PCDHGA3: variants seen among roughly 807,000 people sequenced by gnomAD.
The protein encoded by PCDHGA3 is protocadherin gamma subfamily A, 3, also known as protocadherin gamma-A3.
In PCDHGA3, 40 loss-of-function variants were observed where a neutral mutation model predicts 58.5. The ratio of observed to expected loss-of-function variants is 0.68; its 90% CI spans 0.53 to 0.89. The LOEUF is 0.89. PCDHGA3 is among the 40% of genes least tolerant of loss of function. The pLI is 0.00. For missense variants in PCDHGA3, 1,223 were observed against 1,195.9 expected (o/e 1.02, Z -0.33); for synonymous variants, 530 against 525.7 (o/e 1.01, Z -0.11).
In PCDHGA3 at chr5:141,384,747, C is replaced by G. The variant is rs755356826; in HGVS notation, c.2424+38290C>G. 28 of 1,613,942 alleles carry G rather than the reference C, an allele frequency of 1.7e-5. No homozygotes were observed. The South Asian group carries it at 3.0e-4, about 17-fold the overall frequency. The stretch of plus-strand genomic sequence containing the variant: ...TGCTTAAGGCCAGCGAGCCAGGACT[C>G]TTTGCGGTTGGGCTGTACACGGGCG... On this transcript the variant is annotated intron_variant, in intron 1 of 3. Transcript: ENST00000253812.
chr5:141,417,572 G>T, intron 1 of PCDHGA3: 1 of 376,228 alleles, frequency 2.7e-6, no homozygotes, highest in East Asian at 4.1e-5. Flanking sequence ...AAGTCAAGTT[G>T]CAGTCCCACA....
At chr5:141,470,302 C>A (rs996558051) in intron 1 of PCDHGA3, among the ~76,000 whole-genome samples, 5 of 152,188 alleles carry the variant, frequency 3.3e-5, no homozygotes, top group African/African-American at 1.2e-4. Context: ...GTTTTTATTC[C>A]ATTTTTCCTC....
At chr5:141,445,490 C>A (rs1181158971) in intron 1 of PCDHGA3, among the ~76,000 whole-genome samples, 1 of 152,134 alleles carries the variant, frequency 6.6e-6, no homozygotes, top group African/African-American at 2.4e-5. Flanking sequence ...AGTTAATGGG[C>A]CCTATTCTAA....
Position 141,489,465 on chromosome 5 carries a change from T to C in PCDHGA3, c.2425-5342T>C. On this transcript the variant is annotated intron_variant, in intron 1 of 3. Transcript: ENST00000253812. The surrounding 1 kb of genome is among the most constrained non-coding windows in gnomAD (Gnocchi z 4.5). The stretch of plus-strand genomic sequence containing the variant: ...GCTCTGAGGAGAATGGGCGCTATTT[T>C]TCCCTGAGCTTGATGAGTGGTGCCC... The C allele has an allele frequency of 1.2e-6, 2 of 1,614,082 alleles. No homozygotes were observed. The highest frequency in any genetic ancestry group is 1.3e-5 in the African/African-American group (1 of 75,042).
chr5:141,381,194 A>G (rs1490314402), intron 1 of PCDHGA3, among the ~76,000 whole-genome samples: 2 of 152,234 alleles, frequency 1.3e-5, no homozygotes, highest in African/African-American at 4.8e-5. Context: ...AAGCTTTCTT[A>G]GTGTTAGTTC....
chr5:141,478,851 C>T, intron 1 of PCDHGA3: 1 of 1,374,810 alleles, frequency 7.3e-7, no homozygotes, highest in Non-Finnish European at 9.6e-7. Context: ...AGCTAAAACA[C>T]AAGATCTCAG....
intron 1 of PCDHGA3, among the ~76,000 whole-genome samples, chr5:141,450,112 T>G (rs2098669735): frequency 6.6e-6 from 1 of 150,618 alleles, no homozygotes; most frequent in Non-Finnish European, 1.5e-5. Context: ...GTTCAAATGA[T>G]TCTCCTGCCT....
rs776805404 is a variant in PCDHGA3 at position 141,351,555 on chromosome 5, C to G, written c.2424+5098C>G. The G allele has an allele frequency of 1.9e-6, 3 of 1,614,022 alleles. No individual in the cohort carries two copies. The highest frequency in any genetic ancestry group is 2.5e-6 in the Non-Finnish European group (3 of 1,179,894). ...GGCAAACCAGCCCTTTCCTCCAGGA[C>G]AAGCATCACCCTGCACATCTCCGAC... is the stretch of plus-strand genomic sequence containing the variant. On this transcript the variant is annotated intron_variant, in intron 1 of 3. Transcript: ENST00000253812.
chr5:141,355,399 G>A, intron 1 of PCDHGA3: 5 of 1,614,086 alleles, frequency 3.1e-6, no homozygotes, highest in Non-Finnish European at 4.2e-6. Flanking sequence ...AGTCCGCATC[G>A]TCTCCAGAGG....
At chr5:141,356,938 C>T (rs1284977558) in intron 1 of PCDHGA3, 4 of 1,614,116 alleles carry the variant, frequency 2.5e-6, no homozygotes, top group South Asian at 2.2e-5. Flanking sequence ...GCTGGCACCC[C>T]GCTCCGCAGA....
At chr5:141,383,625 C>T (rs754758092) in intron 1 of PCDHGA3, 32 of 1,613,930 alleles carry the variant, frequency 2.0e-5, no homozygotes, top group Non-Finnish European at 2.7e-5. Context: ...CGCCTGTCTT[C>T]TCTCTGCCTC....
At chr5:141,361,516 G>C in intron 1 of PCDHGA3, 2 of 1,614,060 alleles carry the variant, frequency 1.2e-6, no homozygotes. Flanking sequence ...CATGGTTCAC[G>C]TGGCAGAGAA....
chr5:141,371,742 C>T (rs773429109), intron 1 of PCDHGA3: 16 of 1,613,950 alleles, frequency 9.9e-6, no homozygotes, highest in Middle Eastern at 1.6e-4. Flanking sequence ...CGACAACGTT[C>T]CCGTTTTCCA....
intron 1 of PCDHGA3, chr5:141,387,784 T>A (rs2091093181): frequency 6.8e-7 from 1 of 1,472,514 alleles, no homozygotes; most frequent in East Asian, 2.4e-5. Context: ...GAACTGGAAC[T>A]GCAACTAAAG....
intron 1 of PCDHGA3, chr5:141,428,863 T>C (rs1160939898): frequency 6.7e-6 from 1 of 149,182 alleles, no homozygotes; most frequent in African/African-American, 2.4e-5. Context: ...CGGGAGACTT[T>C]TTTTTTTTTT....
At chr5:141,409,986 A>G (rs995773112) in intron 1 of PCDHGA3, 27 of 1,612,796 alleles carry the variant, frequency 1.7e-5, no homozygotes, top group Non-Finnish European at 2.2e-5. Context: ...GTAGCGGTGG[A>G]CGCCGACTCG....
chr5:141,346,130 G>C lies in PCDHGA3; in HGVS notation c.2097G>C (p.Ala699=), dbSNP rs762061396. Residue 699 remains alanine (A), a synonymous_variant, in exon 1 of 4, where the codon GCG becomes GCC. Coordinates refer to ENST00000253812, the MANE Select transcript of PCDHGA3 (RefSeq NM_018916.4). ...TGTACCTGGTGGTGGCGGTGGCCGC[G>C]GTCTCCTGCGTCTTCCTGGCCTTCG... ...LTLYLVVAVA[A]VSCVFLAFVI... is the part of the protein sequence containing the mutation. 125 of 1,613,802 alleles carry C rather than the reference G, an allele frequency of 7.7e-5. No homozygotes were observed. The highest frequency in any genetic ancestry group is 9.8e-5 in the Non-Finnish European group (116 of 1,179,912).
intron 1 of PCDHGA3, among the ~76,000 whole-genome samples, chr5:141,456,544 G>C (rs1020609068): frequency 6.6e-6 from 1 of 152,192 alleles, no homozygotes; most frequent in Non-Finnish European, 1.5e-5. Context: ...AGGGATTGTA[G>C]CCACTCGGGG....
rs145484670 is a variant in PCDHGA3 at position 141,469,912 on chromosome 5, C to T, written c.2425-24895C>T. Among the ~76,000 whole-genome samples, 674 of 152,288 alleles carry T rather than the reference C, an allele frequency of 4.4e-3. 6 individuals are homozygous for T. The highest frequency in any genetic ancestry group is 0.015 in the African/African-American group (642 of 41,562). On this transcript the variant is annotated intron_variant, in intron 1 of 3. Transcript: ENST00000253812. ...TTGGGAAGCCGAGGCAGGCAGACCA[C>T]CCGAGGTCAGGAGTTTGAGACCAGC...
Sources: gnomAD v4.1 joint callset for allele counts (sites outside exome capture counted in the v4.1 genomes callset) on GRCh38, gnomAD v4.1.1 for gene constraint, Gnocchi (gnomAD v3.1) non-coding constraint, MANE v1.5 for transcripts, NCBI Gene and HGNC (gene_info 2026-07-23, HGNC 2026-07-21) for gene names.